ZNF223: variants seen among roughly 807,000 people sequenced by gnomAD.
ZNF223 encodes Homo sapiens zinc finger protein 223.
In ZNF223, 9 loss-of-function variants were observed where a neutral mutation model predicts 12.3. That is an observed-to-expected ratio of 0.73 (90% confidence interval 0.44 to 1.28). ZNF223 has a LOEUF of 1.28. Among genes scored for constraint, ZNF223 ranks in the 50% most tolerant of loss-of-function variants. The probability of loss-of-function intolerance (pLI) is 0.00; values close to 1 mark genes in which losing one functional copy is unlikely to be tolerated. For synonymous variants in ZNF223, 171 were observed against 195.2 expected, an observed-to-expected ratio of 0.88 and a Z score of 1.03; for missense variants, 506 against 579.0, an observed-to-expected ratio of 0.87 and a Z score of 1.29.
chr19:44,053,559 T>C (rs900530458), intron 1 of ZNF223, among the ~76,000 whole-genome samples: 1 of 152,202 alleles, frequency 6.6e-6, no homozygotes, highest in Admixed American at 6.5e-5. Context: ...AATGTACGAT[T>C]GGGTTTTATA....
At chr19:44,065,080 T>C (rs1976887994) in intron 4 of ZNF223, among the ~76,000 whole-genome samples, 1 of 152,102 alleles carries the variant, frequency 6.6e-6, no homozygotes, top group Non-Finnish European at 1.5e-5. Flanking sequence ...CCATTTCCCA[T>C]CCCCCAAAGC....
At chr19:44,060,251 C>T (rs890389587) in intron 2 of ZNF223, 12 of 868,248 alleles carry the variant, frequency 1.4e-5, no homozygotes, top group Non-Finnish European at 1.7e-5. Flanking sequence ...ACTTCTTTGT[C>T]GTTGGACTTC....
chr19:44,064,531 A>G (rs183487233), intron 4 of ZNF223, among the ~76,000 whole-genome samples: 20 of 152,342 alleles, frequency 1.3e-4, no homozygotes, highest in Middle Eastern at 3.4e-3. Flanking sequence ...GTAGATATAA[A>G]CATTCTAAGG....
At position 44,060,508 on chromosome 19, in the gene ZNF223, G is replaced by T; in HGVS notation, c.69G>T (p.Gly23=). 1 of 1,614,114 alleles carries T rather than the reference G, an allele frequency of 6.2e-7. No homozygotes were observed. The highest frequency in any genetic ancestry group is 8.5e-7 in the Non-Finnish European group (1 of 1,180,024). Residue 23 remains glycine (G), a synonymous_variant, in exon 3 of 5, where the codon GGG becomes GGT. Transcript: ENST00000434772. ...TGGTCTTCACTGAGGAGGAGCTGGG[G>T]CTGCTGGACCTTGCCCAGAGGAAGC... ...VAVVFTEEEL[G]LLDLAQRKLY... is the part of the protein sequence containing the mutation.
intron 4 of ZNF223, among the ~76,000 whole-genome samples, chr19:44,064,094 T>A (rs1324204245): frequency 1.3e-5 from 2 of 152,228 alleles, no homozygotes; most frequent in Admixed American, 1.3e-4. Context: ...ACAGTTTTCA[T>A]GCATGTAGGT....
chr19:44,066,988 T>G lies in ZNF223; in HGVS notation c.1160T>G (p.Leu387Arg), dbSNP rs1976926897. The change falls in exon 5 of 5, where the codon CTT becomes CGT. Residue 387 changes from leucine (L) to arginine (R), a missense_variant. Leu to Arg is a moderately radical substitution (Grantham distance 102, BLOSUM62 -2). Coordinates refer to ENST00000434772, the MANE Select transcript of ZNF223 (RefSeq NM_013361.6). ...CGKSYITKSGLDLHHRAHTGE... is the reference protein window; with the variant it reads ...CGKSYITKSGRDLHHRAHTGE... ...AAGAGCTACATTACTAAGTCAGGTC[T>G]TGACTTGCACCATAGAGCCCACACA... The G allele has an allele frequency of 1.2e-6, 2 of 1,613,234 alleles. No homozygotes were observed. Among genetic ancestry groups the G allele is most frequent in the Non-Finnish European group, 1.7e-6 (2 of 1,179,266 alleles).
chr19:44,059,165 A>G (rs1976805559), intron 2 of ZNF223, among the ~76,000 whole-genome samples: 1 of 152,344 alleles, frequency 6.6e-6, no homozygotes, highest in South Asian at 2.1e-4. Flanking sequence ...GCATAAGGTC[A>G]GTTCCCCCAG....
intron 4 of ZNF223, among the ~76,000 whole-genome samples, chr19:44,065,641 G>A (rs1037523782): frequency 6.8e-6 from 1 of 146,290 alleles, no homozygotes; most frequent in African/African-American, 2.5e-5. Context: ...GCAGTGGCAC[G>A]ATCTCGGCTT....
chr19:44,066,456 G>A lies in ZNF223; in HGVS notation c.628G>A (p.Gly210Ser). 1 of 1,614,188 alleles carries A rather than the reference G, an allele frequency of 6.2e-7. No individual in the cohort carries two copies. The highest frequency in any genetic ancestry group is 8.5e-7 in the Non-Finnish European group (1 of 1,180,038). The change falls in exon 5 of 5, where the codon GGT (glycine) becomes AGT (serine). Residue 210 changes from glycine to serine, a missense_variant. Gly to Ser is a moderately conservative substitution (Grantham distance 56). Coordinates refer to ENST00000434772, the MANE Select transcript of ZNF223 (RefSeq NM_013361.6). ...GEKLFKCDVC[G>S]KEFSQSLHLQ... ...GAAACTCTTTAAGTGTGACGTGTGTGGTAAGGAATTCAGTCAGAGTTTACA... is the reference window on the plus strand; with the variant it reads ...GAAACTCTTTAAGTGTGACGTGTGTAGTAAGGAATTCAGTCAGAGTTTACA...
chr19:44,065,656 C>A (rs898612744), intron 4 of ZNF223, among the ~76,000 whole-genome samples: 3 of 149,550 alleles, frequency 2.0e-5, no homozygotes, highest in African/African-American at 7.4e-5. Context: ...CGGCTTGCTG[C>A]AACCTGCGCC....
intron 4 of ZNF223, chr19:44,063,188 T>C (rs1043021445): frequency 6.6e-6 from 1 of 152,232 alleles, no homozygotes; most frequent in Non-Finnish European, 1.5e-5. Flanking sequence ...TTAGACAGGA[T>C]TGTTCCCTTG....
At chr19:44,056,606 T>C (rs113416095) in intron 2 of ZNF223, among the ~76,000 whole-genome samples, 33,279 of 109,880 alleles carry the variant, frequency 0.3, 4,052 homozygotes, top group Non-Finnish European at 0.43. Flanking sequence ...TTTTTTTTTT[T>C]TTTTTGAGAT....
chr19:44,059,665 T>C (rs1976811347), intron 2 of ZNF223, among the ~76,000 whole-genome samples: 2 of 152,214 alleles, frequency 1.3e-5, no homozygotes, highest in Non-Finnish European at 2.9e-5. Context: ...CGACCCAGTC[T>C]GTCTGTCCCT....
Position 44,067,010 on chromosome 19 carries a change from C to A in ZNF223, c.1182C>A (p.His394Gln). Residue 394 changes from histidine to glutamine, a missense_variant, in exon 5 of 5, where the codon CAC becomes CAA. His to Gln is a conservative substitution (Grantham distance 24). Transcript: ENST00000434772. ...KSGLDLHHRA[H>Q]TGERPYNCDD... ...GTCTTGACTTGCACCATAGAGCCCA[C>A]ACAGGAGAGAGACCTTATAACTGTG... The A allele has an allele frequency of 6.2e-7, 1 of 1,613,148 alleles. No individual in the cohort carries two copies. Among genetic ancestry groups the A allele is most frequent in the East Asian group, 2.2e-5 (1 of 44,868 alleles).
chr19:44,056,390 G>A (rs948470916), intron 2 of ZNF223, among the ~76,000 whole-genome samples: 29 of 141,606 alleles, frequency 2.0e-4, no homozygotes, highest in Admixed American at 4.2e-4. Flanking sequence ...AAAATTAGCC[G>A]GGCGTGGTGC....
Position 44,052,138 on chromosome 19 carries a change from G to A in ZNF223, c.-126G>A, listed in dbSNP as rs17656836. On this transcript the variant is annotated 5_prime_UTR_variant, in exon 1 of 5. Coordinates refer to ENST00000434772, the MANE Select transcript of ZNF223 (RefSeq NM_013361.6). ...CTTTGCTTGAGGCTCGCAACCACCC[G>A]ATGATCGATGATCGTCTCAGGGGAA... 0.02 allele frequency: 3,024 copies of A among 154,344 alleles called. 48 individuals are homozygous for A. The highest frequency in any genetic ancestry group is 0.029 in the Non-Finnish European group (1,950 of 68,120). 9.6% of individuals were successfully genotyped at this position (154,344 alleles called of 1,614,324 possible).
chr19:44,066,091 CTT>C lies in ZNF223; in HGVS notation c.266_267del (p.Phe89SerfsTer7), dbSNP rs756221974. On this transcript the variant is annotated frameshift_variant, in exon 5 of 5. Transcript: ENST00000434772. LOFTEE classifies it low-confidence loss of function (END_TRUNC). Reference sequence around the variant, plus strand: ...GGCAAGATCCAACCTGAGATGAAGACTTTTCCAGAAGCAGGACCACATGAAGG... The same window carrying C: ...GGCAAGATCCAACCTGAGATGAAGACTTCCAGAAGCAGGACCACATGAAGG... 6.2e-7 allele frequency: 1 copy of C among 1,600,694 alleles called. No individual in the cohort carries two copies. Among genetic ancestry groups the C allele is most frequent in the Non-Finnish European group, 8.5e-7 (1 of 1,175,718 alleles).
At chr19:44,060,252 G>A (rs1053879200) in intron 2 of ZNF223, 14 of 887,576 alleles carry the variant, frequency 1.6e-5, no homozygotes, top group Admixed American at 1.5e-4. Flanking sequence ...CTTCTTTGTC[G>A]TTGGACTTCT....
Position 44,067,095 on chromosome 19 carries a change from T to G in ZNF223, c.1267T>G (p.Cys423Gly), listed in dbSNP as rs761809711. 1 of 1,613,362 alleles carries G rather than the reference T, an allele frequency of 6.2e-7. No individual in the cohort carries two copies. The highest frequency in any genetic ancestry group is 1.1e-5 in the South Asian group (1 of 90,898). ...SSILNHKRLH[C>G]RKKPFKCEDC... Reference sequence around the variant, plus strand: ...TATTTTGAATCATAAGAGACTCCATTGCCGAAAAAAACCATTCAAATGTGA... The same window carrying G: ...TATTTTGAATCATAAGAGACTCCATGGCCGAAAAAAACCATTCAAATGTGA... Residue 423 changes from cysteine (C) to glycine (G), a missense_variant, in exon 5 of 5, where the codon TGC (cysteine) becomes GGC (glycine). Cys to Gly is a radical substitution (Grantham distance 159, BLOSUM62 -3). Transcript: ENST00000434772.
Sources: gnomAD v4.1 joint callset for allele counts (sites outside exome capture counted in the v4.1 genomes callset) on GRCh38, gnomAD v4.1.1 for gene constraint, MANE v1.5 for transcripts, NCBI Gene and HGNC (gene_info 2026-07-23, HGNC 2026-07-21) for gene names.